CFAP161: variants seen among roughly 807,000 people sequenced by gnomAD.
The protein encoded by CFAP161 is cilia- and flagella-associated protein 161.
A neutral mutation model predicts 29.0 loss-of-function variants in CFAP161; 25 were observed. The ratio of observed to expected loss-of-function variants is 0.86; its 90% CI spans 0.63 to 1.20. The LOEUF is 1.20. Ranked by LOEUF, CFAP161 falls within the 50% of genes most tolerant of loss-of-function variation. The pLI is 0.00. For synonymous variants in CFAP161, 116 were observed against 137.4 expected (o/e 0.84, Z 1.09); for missense variants, 367 against 371.9 (o/e 0.99, Z 0.11).
chr15:81,148,016 T>C (rs967187780), intron 6 of CFAP161, 85 bp downstream of exon 6: 2 of 1,078,254 alleles, frequency 1.9e-6, no homozygotes, highest in African/African-American at 3.2e-5. Flanking sequence ...TGATAGTGTA[T>C]GGCTGCACAT....
At chr15:81,141,503 A>C (rs980666032) in intron 4 of CFAP161, among the ~76,000 whole-genome samples, 1 of 151,958 alleles carries the variant, frequency 6.6e-6, no homozygotes, top group Non-Finnish European at 1.5e-5. Context: ...AATGATGACA[A>C]TTTTCTCTCT....
intron 2 of CFAP161, among the ~76,000 whole-genome samples, chr15:81,135,976 T>TA (rs1202186976): frequency 6.6e-6 from 1 of 152,122 alleles, no homozygotes; most frequent in Non-Finnish European, 1.5e-5. Flanking sequence ...CATGCACACG[T>TA]ATGTTTATTG....
intron 1 of CFAP161, among the ~76,000 whole-genome samples, chr15:81,124,782 C>T (rs1159605963): frequency 6.6e-6 from 1 of 152,082 alleles, no homozygotes. Context: ...TCCAGATTTT[C>T]TAGTTTATGT....
chr15:81,120,866 C>T (rs1017477712), intron 1 of CFAP161, among the ~76,000 whole-genome samples: 19 of 152,164 alleles, frequency 1.2e-4, no homozygotes, highest in Admixed American at 2.6e-4. Context: ...ACTAGATAAA[C>T]TAATTAGATA....
chr15:81,132,779 G>T (rs1894729390), upstream of CFAP161, among the ~76,000 whole-genome samples: 1 of 151,984 alleles, frequency 6.6e-6, no homozygotes, highest in Non-Finnish European at 1.5e-5. Flanking sequence ...ATACTTAAAA[G>T]GAAAAACAAA....
At chr15:81,143,202 A>C (rs1567160022) in intron 4 of CFAP161, among the ~76,000 whole-genome samples, 1 of 151,902 alleles carries the variant, frequency 6.6e-6, no homozygotes, top group African/African-American at 2.4e-5. Flanking sequence ...AGTCCCAGCT[A>C]CTCGGGAGGC....
chr15:81,143,871 A>G (rs750741332), intron 5 of CFAP161, 51 bp downstream of exon 5: 6 of 1,573,010 alleles, frequency 3.8e-6, no homozygotes, highest in Non-Finnish European at 5.2e-6. Context: ...AAATGGATGC[A>G]ATTTATTCCT....
chr15:81,114,873 C>T (rs148099285), intron 1 of CFAP161, among the ~76,000 whole-genome samples: 2,901 of 152,264 alleles, frequency 0.019, 54 homozygotes, highest in Non-Finnish European at 0.028. Context: ...CCATGTTGGT[C>T]AGGATGGTCT....
At chr15:81,136,090 G>A (rs1676092430) in intron 2 of CFAP161, among the ~76,000 whole-genome samples, 1 of 152,138 alleles carries the variant, frequency 6.6e-6, no homozygotes, top group Admixed American at 6.5e-5. Flanking sequence ...TTACCATTTG[G>A]AAAATAACAG....
intron 1 of CFAP161, among the ~76,000 whole-genome samples, chr15:81,113,924 A>C (rs956165840): frequency 1.3e-5 from 2 of 152,218 alleles, no homozygotes; most frequent in Non-Finnish European, 2.9e-5. Context: ...TGATTCGTAT[A>C]AATTCAGTGT....
At chr15:81,122,929 C>G (rs900693887) in intron 1 of CFAP161, among the ~76,000 whole-genome samples, 2 of 152,076 alleles carry the variant, frequency 1.3e-5, no homozygotes, top group Non-Finnish European at 2.9e-5. Flanking sequence ...CTTATAGATG[C>G]TGGATATTAG....
chr15:81,101,526 CAA>C (rs527465471), intron 1 of CFAP161, among the ~76,000 whole-genome samples: 231 of 46,064 alleles, frequency 5.0e-3, no homozygotes, highest in African/African-American at 0.022. Flanking sequence ...GACTCTGTCT[CAA>C]AAAAAAAAAA....
chr15:81,118,766 A>G (rs1196770293), intron 1 of CFAP161, among the ~76,000 whole-genome samples: 1 of 152,250 alleles, frequency 6.6e-6, no homozygotes, highest in African/African-American at 2.4e-5. Context: ...CCAAGAGAGA[A>G]TGTATTTTTA....
intron 1 of CFAP161, among the ~76,000 whole-genome samples, chr15:81,107,459 C>G (rs2141861387): frequency 6.6e-6 from 1 of 152,334 alleles, no homozygotes; most frequent in East Asian, 1.9e-4. Flanking sequence ...GGCACAGTGG[C>G]TCATGCCTGT....
intron 1 of CFAP161, among the ~76,000 whole-genome samples, chr15:81,114,117 A>G (rs1176733176): frequency 6.6e-6 from 1 of 152,202 alleles, no homozygotes; most frequent in Non-Finnish European, 1.5e-5. Context: ...CTGGGCATGG[A>G]GAAAAAATAG....
At chr15:81,128,133 G>A (rs73497315) in intron 2 of CFAP161, among the ~76,000 whole-genome samples, 4,394 of 152,146 alleles carry the variant, frequency 0.029, 182 homozygotes, top group African/African-American at 0.097. Flanking sequence ...GAATCTTTTC[G>A]TTATCAGGCA....
rs370003742 is a variant in CFAP161, at chr15:81,137,096, AT to A, written c.392+359del. Among the ~76,000 whole-genome samples the A allele has an allele frequency of 2.4e-4, 36 of 149,296 alleles. No individual in the cohort carries two copies. In the South Asian group the frequency reaches 2.6e-3, roughly 11 times the overall value. ...TGTTTTCATTGTTCTTAATACGGCT[AT>A]TTTTTTTTTTACAATAAAAACGTGT... On this transcript the variant is annotated intron_variant, in intron 3 of 6. Transcript: ENST00000286732.
At chr15:81,100,967 GCCA>G (rs1894297375) in intron 1 of CFAP161, among the ~76,000 whole-genome samples, 1 of 152,132 alleles carries the variant, frequency 6.6e-6, no homozygotes, top group African/African-American at 2.4e-5. Flanking sequence ...CAATAACTTG[GCCA>G]CCAACTTGGC....
intron 2 of CFAP161, among the ~76,000 whole-genome samples, chr15:81,128,337 T>A (rs1193564741): frequency 6.6e-6 from 1 of 152,248 alleles, no homozygotes; most frequent in Non-Finnish European, 1.5e-5. Flanking sequence ...TCTCAAACCC[T>A]GCTGCTGCCT....
Sources: gnomAD v4.1 joint callset for allele counts (sites outside exome capture counted in the v4.1 genomes callset) on GRCh38, gnomAD v4.1.1 for gene constraint, MANE v1.5 for transcripts, NCBI Gene and HGNC (gene_info 2026-07-23, HGNC 2026-07-21) for gene names.